Variants in DHDDS observed in about 807,000 individuals in gnomAD.
The protein encoded by DHDDS is dehydrodolichyl diphosphate synthase complex subunit DHDDS.
DHDDS carries 16 observed loss-of-function variants against 46.2 expected under a neutral mutation model. The observed-to-expected ratio is 0.35, with a 90% CI of 0.23 to 0.53. DHDDS has a LOEUF of 0.53. Ranked by LOEUF, DHDDS falls within the 20% of genes least tolerant of loss-of-function variation. DHDDS has a pLI of 0.94. For missense variants in DHDDS, 340 were observed against 423.7 expected, an observed-to-expected ratio of 0.80 and a Z score of 1.73; for synonymous variants, 151 against 163.1, an observed-to-expected ratio of 0.93 and a Z score of 0.56.
At chr1:26,454,115 G>A (rs576448067) in intron 6 of DHDDS, among the ~76,000 whole-genome samples, 3 of 152,042 alleles carry the variant, frequency 2.0e-5, no homozygotes, top group Admixed American at 6.6e-5. Context: ...CACCACGCCC[G>A]GCTAATTTTT....
chr1:26,438,169 C>T lies in DHDDS; in HGVS notation c.65C>T (p.Ala22Val), dbSNP rs372070142. Residue 22 changes from alanine (A) to valine (V), a missense_variant and splice_region_variant, in exon 3 of 9, where the codon GCA becomes GTA. By Grantham distance (64) the Ala-to-Val change is moderately conservative (BLOSUM62 0). This residue lies in a region of DHDDS where 72 missense variants were observed against 123.5 expected (regional missense o/e 0.58). Coordinates refer to ENST00000236342, the MANE Select transcript of DHDDS (RefSeq NM_205861.3). ...WERFCANIIKAGPMPKHIAFI... is the reference protein window; with the variant it reads ...WERFCANIIKVGPMPKHIAFI... ...ATCATTTGTCTTCCTATTCCACAGG[C>T]AGGCCCAATGCCGAAACACATTGCA... 53 of 1,613,590 alleles carry T rather than the reference C, an allele frequency of 3.3e-5. No individual in the cohort carries two copies. The highest frequency in any genetic ancestry group is 4.2e-5 in the Non-Finnish European group (50 of 1,179,730).
At position 26,432,755 on chromosome 1, in the gene DHDDS, A is replaced by G. The variant is rs1019612312; in HGVS notation, c.-55-136A>G. 74 of 623,808 alleles carry G rather than the reference A, an allele frequency of 1.2e-4. 4 individuals carry two copies. The highest frequency in any genetic ancestry group is 2.3e-5 in the Non-Finnish European group (8 of 350,294). 38.6% of individuals were successfully genotyped at this position (623,808 alleles called of 1,614,324 possible). The stretch of plus-strand genomic sequence containing the variant: ...TTGCGTTATAAAACTCTGGGTGGTA[A>G]AAGATTATAGGCTTAGACCAGTGTC... On this transcript the variant is annotated intron_variant, in intron 1 of 8. Coordinates refer to ENST00000236342, the MANE Select transcript of DHDDS (RefSeq NM_205861.3).
chr1:26,457,966 A>G, intron 7 of DHDDS, 61 bp downstream of exon 7: 1 of 1,472,368 alleles, frequency 6.8e-7, no homozygotes, highest in Non-Finnish European at 9.5e-7. Context: ...TATCCACAGA[A>G]TGGATCAGAG....
At chr1:26,460,180 G>A (rs749404066) in intron 8 of DHDDS, 36 bp downstream of exon 8, 3 of 1,510,654 alleles carry the variant, frequency 2.0e-6, no homozygotes, top group Non-Finnish European at 2.8e-6. Flanking sequence ...GATGGGATGG[G>A]ATGGAAGAAA....
intron 4 of DHDDS, 99 bp downstream of exon 4, chr1:26,442,972 C>G: frequency 4.4e-6 from 7 of 1,584,366 alleles, no homozygotes; most frequent in Non-Finnish European, 6.0e-6. Flanking sequence ...AAGGGACTTG[C>G]AACTCTTTTT....
At chr1:26,453,334 A>G (rs1246997706) in intron 6 of DHDDS, among the ~76,000 whole-genome samples, 1 of 152,138 alleles carries the variant, frequency 6.6e-6, no homozygotes, top group African/African-American at 2.4e-5. Flanking sequence ...AGGCAGTTTA[A>G]TATTTCATTA....
intron 6 of DHDDS, chr1:26,454,770 T>C: frequency 1.9e-6 from 3 of 1,586,906 alleles, no homozygotes; most frequent in East Asian, 4.5e-5. Context: ...GGAGAGCTCA[T>C]GGATGGGTTA....
chr1:26,455,136 T>C (rs2075358860), intron 6 of DHDDS: 2 of 778,622 alleles, frequency 2.6e-6, no homozygotes, highest in Non-Finnish European at 4.7e-6. Flanking sequence ...TTGGAACCTC[T>C]TGATTTGCAT....
chr1:26,457,033 A>T (rs1259512637), intron 6 of DHDDS, among the ~76,000 whole-genome samples: 1 of 152,230 alleles, frequency 6.6e-6, no homozygotes, highest in African/African-American at 2.4e-5. Context: ...TTTAAAAAAC[A>T]AGATGTTTTT....
In DHDDS at chr1:26,460,038, C is replaced by T. The variant is rs769918203; in HGVS notation, c.659C>T (p.Thr220Ile). Residue 220 changes from threonine (T) to isoleucine (I), a missense_variant and splice_region_variant, in exon 8 of 9, where the codon ACC becomes ATC. Transcript: ENST00000236342. ...TACTCTCCTCCCTACCTTTCCCAGA[C>T]CTCTCACTCCTGCCTGGTGTTCCAA... is the stretch of plus-strand genomic sequence containing the variant. ...VRLSDFLLWQ[T>I]SHSCLVFQPV... is the part of the protein sequence containing the mutation. The T allele has an allele frequency of 1.2e-6, 2 of 1,613,714 alleles. No individual in the cohort carries two copies. Among genetic ancestry groups the T allele is most frequent in the South Asian group, 2.2e-5 (2 of 91,070 alleles).
Position 26,447,786 on chromosome 1 carries a change from A to C in DHDDS, c.542+126A>C, listed in dbSNP as rs775930566. 19 of 799,148 alleles carry C rather than the reference A, an allele frequency of 2.4e-5. No individual in the cohort carries two copies. The Admixed American group carries it at 3.8e-4, about 16-fold the overall frequency. 49.5% of individuals were successfully genotyped at this position (799,148 alleles called of 1,614,324 possible). ...GGCAGTCCACTTGAGGCAGGCCAGG[A>C]GTTCAAGACCAGCCTGGCCAACATG... On this transcript the variant is annotated intron_variant, in intron 6 of 8. Transcript: ENST00000236342.
rs1178693787 is a variant in DHDDS, at chr1:26,460,346, A to AC, written c.765+205dup. On this transcript the variant is annotated intron_variant, in intron 8 of 8. Transcript: ENST00000236342. ...TGCAACTCATTTAATGTTCCCAAGA[A>AC]CCCAATGAGGGAAGTCTTATTAGCC... 3.3e-5 allele frequency among the ~76,000 whole-genome samples: 5 copies of AC among 152,278 alleles called. No homozygotes were observed. The East Asian group carries it at 9.6e-4, about 29-fold the overall frequency.
At chr1:26,461,605 G>T (rs374481533) in intron 8 of DHDDS, among the ~76,000 whole-genome samples, 235 of 152,184 alleles carry the variant, frequency 1.5e-3, no homozygotes, top group Admixed American at 5.3e-3. Context: ...GGCTGGTCTT[G>T]AACTCTTTAC....
At chr1:26,460,551 G>A (rs2075412249) in intron 8 of DHDDS, among the ~76,000 whole-genome samples, 1 of 152,224 alleles carries the variant, frequency 6.6e-6, no homozygotes, top group Admixed American at 6.5e-5. Context: ...GATCGTAGCA[G>A]TAGGGATTAA....
chr1:26,469,006 C>T lies in DHDDS; in HGVS notation c.877C>T (p.Gln293Ter). The change falls in exon 9 of 9, where the codon CAG (glutamine) becomes TAG (stop). Residue 293 changes from glutamine (Q) to a stop codon, truncating the protein, a stop_gained. Transcript: ENST00000236342. LOFTEE classifies it high-confidence loss of function. The stretch of plus-strand genomic sequence containing the variant: ...GGGGCTCCAAGCCAGTGGGGACGCC[C>T]AGCTCCGAAGGACACGCTTGCACAA... ...REGLQASGDA[Q>*]LRRTRLHKLS... 3.1e-6 allele frequency: 5 copies of T among 1,614,172 alleles called. No homozygotes were observed. Among genetic ancestry groups the T allele is most frequent in the Non-Finnish European group, 4.2e-6 (5 of 1,180,048 alleles).
intron 8 of DHDDS, among the ~76,000 whole-genome samples, chr1:26,463,991 A>ATTT (rs2075453560): frequency 7.7e-6 from 1 of 130,190 alleles, no homozygotes; most frequent in African/African-American, 2.9e-5. Context: ...ATATTTGCAA[A>ATTT]CTTTTTTTTT....
Position 26,470,204 on chromosome 1 carries a change from C to T in DHDDS, c.*1073C>T, listed in dbSNP as rs2075539120. ...GCAGAGCTGCTGAGAGGATTAGTGC[C>T]TTTGAAGAGCTGTCTGCCTGAGCAA... On this transcript the variant is annotated 3_prime_UTR_variant, in exon 9 of 9. Transcript: ENST00000236342. 3 of 152,310 alleles carry T rather than the reference C, an allele frequency of 2.0e-5. No individual in the cohort carries two copies. In the South Asian group the frequency reaches 6.2e-4, roughly 31 times the overall value. 9.4% of individuals were successfully genotyped at this position (152,310 alleles called of 1,614,324 possible). A position where few individuals can be genotyped will look rare whatever the true frequency, so the allele number is the denominator to read the frequency against.
chr1:26,438,917 A>G (rs2075188817), intron 3 of DHDDS, among the ~76,000 whole-genome samples: 1 of 151,962 alleles, frequency 6.6e-6, no homozygotes, highest in African/African-American at 2.4e-5. Context: ...CAGTAACCTT[A>G]TTTTCACTTA....
Position 26,469,029 on chromosome 1 carries a change from C to A in DHDDS, c.900C>A (p.His300Gln). 1 of 1,614,106 alleles carries A rather than the reference C, an allele frequency of 6.2e-7. No homozygotes were observed. The highest frequency in any genetic ancestry group is 8.5e-7 in the Non-Finnish European group (1 of 1,180,046). The change falls in exon 9 of 9, where the codon CAC (histidine) becomes CAA (glutamine). Residue 300 changes from histidine to glutamine, a missense_variant. This residue lies in a region of DHDDS where 268 missense variants were observed against 300.3 expected (regional missense o/e 0.89). Coordinates refer to ENST00000236342, the MANE Select transcript of DHDDS (RefSeq NM_205861.3). ...GDAQLRRTRLHKLSARREERV... is the reference protein window; with the variant it reads ...GDAQLRRTRLQKLSARREERV... ...CCCAGCTCCGAAGGACACGCTTGCA[C>A]AAACTCTCGGCCAGACGGGAAGAGC...
Sources: allele counts gnomAD v4.1 joint callset (sites outside exome capture counted in the v4.1 genomes callset), GRCh38; gene constraint gnomAD v4.1.1; regional missense constraint gnomAD v4.1.1; transcripts MANE v1.5; gene names NCBI Gene and HGNC (gene_info 2026-07-23, HGNC 2026-07-21).